Variants in SPOCK1 observed in about 807,000 individuals in gnomAD.
The protein encoded by SPOCK1 is SPARC (osteonectin), cwcv and kazal like domains proteoglycan 1.
Under a neutral mutation model 55.3 loss-of-function variants are expected in SPOCK1, and 23 were observed. The observed-to-expected ratio is 0.42, with a 90% CI of 0.30 to 0.59. The LOEUF (loss-of-function observed/expected upper bound fraction) is 0.59, where lower values mean the gene tolerates loss of function less well. SPOCK1 is among the 20% of genes least tolerant of loss of function. The pLI, the probability that SPOCK1 is intolerant of heterozygous loss-of-function variation, is 0.22. For synonymous variants in SPOCK1, 226 were observed against 221.0 expected, an observed-to-expected ratio of 1.02 and a Z score of -0.20; for missense variants, 499 against 552.5, an observed-to-expected ratio of 0.90 and a Z score of 0.97.
chr5:136,996,694 A>G (rs1751045661), intron 6 of SPOCK1, among the ~76,000 whole-genome samples: 1 of 152,156 alleles, frequency 6.6e-6, no homozygotes, highest in Non-Finnish European at 1.5e-5. Flanking sequence ...CTCTGTAAAA[A>G]TGTACCAATC....
chr5:137,181,704 G>A (rs1754973463), intron 3 of SPOCK1, among the ~76,000 whole-genome samples: 1 of 152,232 alleles, frequency 6.6e-6, no homozygotes, highest in Non-Finnish European at 1.5e-5. Flanking sequence ...TGACAAACAG[G>A]CTTACTGCTG....
chr5:137,302,584 A>G (rs1016814059), intron 2 of SPOCK1, among the ~76,000 whole-genome samples: 3 of 36,410 alleles, frequency 8.2e-5, no homozygotes, highest in East Asian at 1.4e-3. Flanking sequence ...CTCAAAAAAT[A>G]AATAAATAAA....
At position 137,499,292 on chromosome 5, in the gene SPOCK1, G is replaced by C. The variant is rs1312758104; in HGVS notation, c.-114C>G. On this transcript the variant is annotated 5_prime_UTR_variant, in exon 1 of 11. Coordinates refer to ENST00000394945, the MANE Select transcript of SPOCK1 (RefSeq NM_004598.4). ...TGCGCTCCTGCCACACGCCGCCGCC[G>C]AGCGTCTGGCCGCTTTGTGAGCCCG... is the stretch of plus-strand genomic sequence containing the variant. 4 of 151,810 alleles carry C rather than the reference G, an allele frequency of 2.6e-5. No homozygotes were observed. Among genetic ancestry groups the C allele is most frequent in the African/African-American group, 4.8e-5 (2 of 41,382 alleles). 9.4% of individuals were successfully genotyped at this position (151,810 alleles called of 1,614,324 possible).
At chr5:137,332,125 G>A (rs374126758) in intron 2 of SPOCK1, among the ~76,000 whole-genome samples, 3 of 151,944 alleles carry the variant, frequency 2.0e-5, no homozygotes, top group East Asian at 1.9e-4. Flanking sequence ...AGGCTCCCAC[G>A]TCCCAGCTCT....
At chr5:137,131,656 G>A (rs189951474) in intron 4 of SPOCK1, among the ~76,000 whole-genome samples, 126 of 149,512 alleles carry the variant, frequency 8.4e-4, no homozygotes, top group South Asian at 1.7e-3. Context: ...GGCCACACAG[G>A]CTCTGGTCTA....
chr5:136,988,731 C>G (rs907794904), intron 7 of SPOCK1, 88 bp from the exon 8 acceptor site: 2 of 1,187,714 alleles, frequency 1.7e-6, no homozygotes, highest in Admixed American at 4.7e-5. Context: ...CAAGAAGATG[C>G]CAAGGCCCAC....
chr5:137,292,492 A>C (rs569577816), intron 2 of SPOCK1, among the ~76,000 whole-genome samples: 1 of 145,366 alleles, frequency 6.9e-6, no homozygotes, highest in East Asian at 2.1e-4. Flanking sequence ...CCAGACCAAA[A>C]TGCTGGGGCA....
chr5:137,362,088 T>C (rs1750959650), intron 2 of SPOCK1, among the ~76,000 whole-genome samples: 1 of 152,136 alleles, frequency 6.6e-6, no homozygotes, highest in Non-Finnish European at 1.5e-5. Context: ...AGAAAAAGGC[T>C]GGGAAGGAAT....
chr5:137,143,016 T>A (rs1754128106), intron 3 of SPOCK1, among the ~76,000 whole-genome samples: 1 of 152,234 alleles, frequency 6.6e-6, no homozygotes, highest in Admixed American at 6.5e-5. Context: ...TTTCTGCTGC[T>A]TGAACAGCTT....
intron 2 of SPOCK1, among the ~76,000 whole-genome samples, chr5:137,387,173 G>C (rs1751615470): frequency 6.6e-6 from 1 of 152,186 alleles, no homozygotes; most frequent in Admixed American, 6.6e-5. Flanking sequence ...ATGCTGATAG[G>C]AACTCTCATG....
intron 5 of SPOCK1, among the ~76,000 whole-genome samples, chr5:137,093,906 T>A (rs1173758473): frequency 6.6e-6 from 1 of 152,100 alleles, no homozygotes; most frequent in Non-Finnish European, 1.5e-5. Context: ...GGGAAAGGAA[T>A]AGGCTGTTTC....
intron 2 of SPOCK1, among the ~76,000 whole-genome samples, chr5:137,376,532 G>T (rs933266307): frequency 6.6e-6 from 1 of 152,220 alleles, no homozygotes; most frequent in African/African-American, 2.4e-5. Context: ...AGCTCCCCAG[G>T]GATGGGGGCA....
rs536484808 is a variant in SPOCK1, at chr5:137,082,697, A to G, written c.475-14868T>C. Among the ~76,000 whole-genome samples, 38 of 152,318 alleles carry G rather than the reference A, an allele frequency of 2.5e-4. 1 individual carries two copies. The South Asian group carries it at 7.9e-3, about 32-fold the overall frequency. The stretch of plus-strand genomic sequence containing the variant: ...GGCTGTATGCTTGGGCATGGAACAG[A>G]GCCAAGAAAGCCCCAGAGTCTGAGC... On this transcript the variant is annotated intron_variant, in intron 5 of 10. Coordinates refer to ENST00000394945, the MANE Select transcript of SPOCK1 (RefSeq NM_004598.4).
chr5:136,978,274 A>C lies in SPOCK1; in HGVS notation c.*380T>G. 3.3e-6 allele frequency: 1 copy of C among 304,152 alleles called. No homozygotes were observed. The highest frequency in any genetic ancestry group is 6.0e-6 in the Non-Finnish European group (1 of 167,268). 18.8% of individuals were successfully genotyped at this position (304,152 alleles called of 1,614,324 possible). A position where few individuals can be genotyped will look rare whatever the true frequency, so the allele number is the denominator to read the frequency against. ...CTGTAAGGCTGGGAACCATGCTGTAATAACCACCAGTGTGGGTAATCAAAA... is the reference window on the plus strand; with the variant it reads ...CTGTAAGGCTGGGAACCATGCTGTACTAACCACCAGTGTGGGTAATCAAAA... On this transcript the variant is annotated 3_prime_UTR_variant, in exon 11 of 11. Coordinates refer to ENST00000394945, the MANE Select transcript of SPOCK1 (RefSeq NM_004598.4).
At chr5:137,122,485 T>C (rs183459308) in intron 4 of SPOCK1, among the ~76,000 whole-genome samples, 24 of 152,370 alleles carry the variant, frequency 1.6e-4, no homozygotes, top group African/African-American at 5.0e-4. Context: ...TTTTGTCCAC[T>C]GACCTTTGGC....
intron 2 of SPOCK1, among the ~76,000 whole-genome samples, chr5:137,409,966 G>C (rs144854881): frequency 3.9e-5 from 6 of 152,306 alleles, no homozygotes; most frequent in Non-Finnish European, 5.9e-5. Flanking sequence ...CTGTGGTGGT[G>C]GGAAGGAATG....
intron 2 of SPOCK1, among the ~76,000 whole-genome samples, chr5:137,416,119 C>T (rs1752322186): frequency 6.6e-6 from 1 of 152,020 alleles, no homozygotes; most frequent in Non-Finnish European, 1.5e-5. Flanking sequence ...GAACACATTT[C>T]TTGCTGAAAA....
At chr5:137,098,664 C>T (rs1446595617) in intron 5 of SPOCK1, among the ~76,000 whole-genome samples, 2 of 152,252 alleles carry the variant, frequency 1.3e-5, no homozygotes, top group African/African-American at 4.8e-5. Context: ...ACCTACATGG[C>T]TGAAAGCTTT....
At chr5:137,322,708 AC>A (rs1311112759) in intron 2 of SPOCK1, among the ~76,000 whole-genome samples, 1 of 150,386 alleles carries the variant, frequency 6.6e-6, no homozygotes, top group African/African-American at 2.5e-5. Flanking sequence ...GCATATCCTT[AC>A]CAAAAAAAAA....
Sources: gnomAD v4.1 joint callset for allele counts (sites outside exome capture counted in the v4.1 genomes callset) on GRCh38, gnomAD v4.1.1 for gene constraint, MANE v1.5 for transcripts, NCBI Gene and HGNC (gene_info 2026-07-23, HGNC 2026-07-21) for gene names.